Variants in MTUS2 observed in about 807,000 individuals in gnomAD.
MTUS2 encodes microtubule associated scaffold protein 2, also known as microtubule-associated tumor suppressor candidate 2.
A neutral mutation model predicts 114.1 loss-of-function variants in MTUS2; 40 were observed. That is an observed-to-expected ratio of 0.35 (90% confidence interval 0.27 to 0.46). MTUS2 has a LOEUF of 0.46. Ranked by LOEUF, MTUS2 falls within the 20% of genes least tolerant of loss-of-function variation. The pLI is 1.00. For missense variants in MTUS2, 1,679 were observed against 1,705.4 expected (o/e 0.98, Z 0.27); for synonymous variants, 688 against 672.0 (o/e 1.02, Z -0.37).
At chr13:29,422,483 C>G (rs1275112877) in intron 8 of MTUS2, among the ~76,000 whole-genome samples, 1 of 152,150 alleles carries the variant, frequency 6.6e-6, no homozygotes, top group Non-Finnish European at 1.5e-5. Flanking sequence ...ATAAAGTTTT[C>G]TCCAAGGAGA....
intron 2 of MTUS2, among the ~76,000 whole-genome samples, chr13:28,878,984 A>G (rs1878126961): frequency 1.3e-5 from 2 of 152,180 alleles, no homozygotes; most frequent in Admixed American, 1.3e-4. Context: ...CAACCTCACC[A>G]GCATCTGTTG....
At chr13:29,042,450 G>T (rs1887410621) in intron 4 of MTUS2, among the ~76,000 whole-genome samples, 1 of 151,954 alleles carries the variant, frequency 6.6e-6, no homozygotes, top group Non-Finnish European at 1.5e-5. Flanking sequence ...GTTCTTTCCT[G>T]GTTTTAGTGT....
At chr13:29,364,488 T>C (rs949130531) in intron 8 of MTUS2, among the ~76,000 whole-genome samples, 3 of 152,192 alleles carry the variant, frequency 2.0e-5, no homozygotes, top group African/African-American at 7.2e-5. Flanking sequence ...AAACTCCTCA[T>C]AGTGAAGCTG....
chr13:29,262,604 G>A (rs1897518956), intron 5 of MTUS2, among the ~76,000 whole-genome samples: 1 of 151,662 alleles, frequency 6.6e-6, no homozygotes, highest in Non-Finnish European at 1.5e-5. Flanking sequence ...AAGGAATTAT[G>A]ACTAGCTCTG....
intron 2 of MTUS2, among the ~76,000 whole-genome samples, chr13:28,998,542 T>G (rs1156944205): frequency 6.6e-6 from 1 of 152,230 alleles, no homozygotes; most frequent in East Asian, 1.9e-4. Context: ...CAGACGCAGA[T>G]TTGGTCTTTT....
At chr13:29,143,001 T>C (rs1054254804) in intron 5 of MTUS2, among the ~76,000 whole-genome samples, 10 of 152,126 alleles carry the variant, frequency 6.6e-5, no homozygotes, top group African/African-American at 2.4e-4. Context: ...CAGAGAAGAT[T>C]GGATTGGGAA....
chr13:29,251,601 A>C (rs1279742472), intron 5 of MTUS2, among the ~76,000 whole-genome samples: 1 of 152,164 alleles, frequency 6.6e-6, no homozygotes, highest in Non-Finnish European at 1.5e-5. Context: ...GCTTCTGGCA[A>C]CCGCCATTCT....
At chr13:29,331,043 T>C (rs9579317) in intron 7 of MTUS2, among the ~76,000 whole-genome samples, 29,288 of 152,134 alleles carry the variant, frequency 0.19, 2,883 homozygotes, top group Middle Eastern at 0.22. Flanking sequence ...GCCATTTTCA[T>C]GATACTGATT....
intron 8 of MTUS2, among the ~76,000 whole-genome samples, chr13:29,408,089 A>T (rs2138531608): frequency 6.6e-6 from 1 of 152,182 alleles, no homozygotes; most frequent in South Asian, 2.1e-4. Flanking sequence ...TTATTTGTGG[A>T]TTATACATAT....
chr13:28,909,331 G>T (rs1880253724), intron 2 of MTUS2, among the ~76,000 whole-genome samples: 1 of 151,856 alleles, frequency 6.6e-6, no homozygotes, highest in South Asian at 2.1e-4. Flanking sequence ...AGCATGGAAT[G>T]TTCTTCCATT....
At chr13:29,067,887 A>G (rs1234395225) in intron 4 of MTUS2, among the ~76,000 whole-genome samples, 1 of 152,178 alleles carries the variant, frequency 6.6e-6, no homozygotes, top group African/African-American at 2.4e-5. Context: ...TCTAAGACCA[A>G]AGAGGGAAAA....
Position 29,033,916 on chromosome 13 carries a change from G to A in MTUS2, c.2237G>A (p.Cys746Tyr), listed in dbSNP as rs1472387074. 1 of 1,613,924 alleles carries A rather than the reference G, an allele frequency of 6.2e-7. No homozygotes were observed. Among genetic ancestry groups the A allele is most frequent in the Non-Finnish European group, 8.5e-7 (1 of 1,179,866 alleles). Reference sequence around the variant, plus strand: ...GACCACCCTGGAAAAGAAGAGTTTTGTTCTCCTCCCTATGCTCATTATGAA... The same window carrying A: ...GACCACCCTGGAAAAGAAGAGTTTTATTCTCCTCCCTATGCTCATTATGAA... ...VTDHPGKEEF[C>Y]SPPYAHYEVP... Residue 746 changes from cysteine to tyrosine, a missense_variant, in exon 4 of 16, where the codon TGT becomes TAT. Cys to Tyr is a radical substitution (Grantham distance 194). Transcript: ENST00000612955.
At chr13:28,961,339 C>G (rs1883318987) in intron 2 of MTUS2, among the ~76,000 whole-genome samples, 1 of 152,028 alleles carries the variant, frequency 6.6e-6, no homozygotes, top group Non-Finnish European at 1.5e-5. Context: ...ATATTCTAAT[C>G]AAACTTGTGA....
intron 4 of MTUS2, among the ~76,000 whole-genome samples, chr13:29,047,802 G>A (rs528629987): frequency 2.2e-4 from 33 of 152,204 alleles, no homozygotes; most frequent in Admixed American, 1.1e-3. Context: ...GAGCCACCAC[G>A]CCTGGCCAGA....
intron 2 of MTUS2, among the ~76,000 whole-genome samples, chr13:28,943,997 T>A (rs1415172287): frequency 6.6e-6 from 1 of 152,184 alleles, no homozygotes; most frequent in Non-Finnish European, 1.5e-5. Context: ...TGTTTGCTTT[T>A]TTTTGTAGTG....
chr13:29,413,442 A>C (rs1226534435), intron 8 of MTUS2, among the ~76,000 whole-genome samples: 2 of 142,318 alleles, frequency 1.4e-5, no homozygotes, highest in Non-Finnish European at 3.0e-5. Context: ...ACAAAAGCCA[A>C]AATTGACAAA....
At chr13:29,335,716 G>A (rs1281095404) in intron 7 of MTUS2, among the ~76,000 whole-genome samples, 1 of 152,112 alleles carries the variant, frequency 6.6e-6, no homozygotes, top group Admixed American at 6.5e-5. Flanking sequence ...TATCGGGGGC[G>A]GGTTCCCCCA....
At chr13:28,893,863 A>G (rs374866903) in intron 2 of MTUS2, among the ~76,000 whole-genome samples, 17 of 152,268 alleles carry the variant, frequency 1.1e-4, no homozygotes, top group Admixed American at 8.5e-4. Flanking sequence ...GCAAATTTTT[A>G]TGACTCAAAG....
At chr13:28,880,862 G>A (rs1310340316) in intron 2 of MTUS2, among the ~76,000 whole-genome samples, 1 of 152,148 alleles carries the variant, frequency 6.6e-6, no homozygotes, top group Non-Finnish European at 1.5e-5. Flanking sequence ...AAAAGGTGGA[G>A]TTCTAGAATA....
Sources: gnomAD v4.1 joint callset for allele counts (sites outside exome capture counted in the v4.1 genomes callset) on GRCh38, gnomAD v4.1.1 for gene constraint, MANE v1.5 for transcripts, NCBI Gene and HGNC (gene_info 2026-07-23, HGNC 2026-07-21) for gene names.